The following LUZP2 variants were observed in gnomAD, a reference collection of about 807,000 sequenced individuals.
LUZP2 encodes the protein leucine zipper protein 2.
In LUZP2, 52 loss-of-function variants were observed where a neutral mutation model predicts 51.6. The observed-to-expected ratio is 1.01, with a 90% CI of 0.81 to 1.27. The LOEUF is 1.27. Among genes scored for constraint, LUZP2 ranks in the 50% most tolerant of loss-of-function variants. The pLI is 0.00. For missense variants in LUZP2, 436 were observed against 395.4 expected, an observed-to-expected ratio of 1.10 and a Z score of -0.87; for synonymous variants, 154 against 137.3, an observed-to-expected ratio of 1.12 and a Z score of -0.85.
chr11:24,632,834 G>T (rs973764391), intron 1 of LUZP2, among the ~76,000 whole-genome samples: 1 of 152,000 alleles, frequency 6.6e-6, no homozygotes, highest in Non-Finnish European at 1.5e-5. Flanking sequence ...TCAGATATAT[G>T]CATCTTGCAG....
intron 1 of LUZP2, among the ~76,000 whole-genome samples, chr11:24,514,353 G>A (rs1463435561): frequency 6.6e-6 from 1 of 152,168 alleles, no homozygotes; most frequent in East Asian, 1.9e-4. Flanking sequence ...GCATAAGAAT[G>A]GTTTCAGAAT....
chr11:24,834,087 A>AT (rs891815203), intron 5 of LUZP2, among the ~76,000 whole-genome samples: 9 of 150,902 alleles, frequency 6.0e-5, no homozygotes, highest in African/African-American at 9.7e-5. Context: ...CCTATATGGT[A>AT]TTTTTTTTTC....
At chr11:25,020,862 A>G (rs1857313439) in intron 9 of LUZP2, among the ~76,000 whole-genome samples, 1 of 152,106 alleles carries the variant, frequency 6.6e-6, no homozygotes, top group South Asian at 2.1e-4. Context: ...ATGATAATGT[A>G]TATCCAAGAG....
intron 7 of LUZP2, among the ~76,000 whole-genome samples, chr11:24,962,618 G>A (rs549517222): frequency 6.6e-6 from 1 of 152,158 alleles, no homozygotes; most frequent in African/African-American, 2.4e-5. Context: ...AGCTCCATCA[G>A]CTCCTTTAGG....
intron 5 of LUZP2, among the ~76,000 whole-genome samples, chr11:24,777,414 TAGAA>T (rs1848967740): frequency 6.6e-6 from 1 of 152,006 alleles, no homozygotes; most frequent in Non-Finnish European, 1.5e-5. Flanking sequence ...GTTGGAAAAA[TAGAA>T]AGAATGCTGC....
intron 5 of LUZP2, among the ~76,000 whole-genome samples, chr11:24,886,984 G>T (rs917108249): frequency 2.0e-5 from 3 of 152,110 alleles, no homozygotes; most frequent in Non-Finnish European, 2.9e-5. Context: ...CTTTTACCTG[G>T]TGAATGTCCT....
At chr11:24,841,624 C>T (rs1462989243) in intron 5 of LUZP2, among the ~76,000 whole-genome samples, 1 of 151,948 alleles carries the variant, frequency 6.6e-6, no homozygotes, top group Non-Finnish European at 1.5e-5. Flanking sequence ...CTTCCAATTT[C>T]TCAAGAAAGA....
intron 4 of LUZP2, among the ~76,000 whole-genome samples, chr11:24,751,055 A>G (rs1748188022): frequency 6.6e-6 from 1 of 152,188 alleles, no homozygotes; most frequent in Non-Finnish European, 1.5e-5. Context: ...ACTAGAAAAT[A>G]TGGAATAAAC....
intron 1 of LUZP2, among the ~76,000 whole-genome samples, chr11:24,564,880 A>C (rs1852165515): frequency 1.3e-5 from 2 of 152,146 alleles, no homozygotes. Flanking sequence ...ACGAGTTTGA[A>C]AAAGTATATG....
chr11:24,972,590 T>G (rs7481590), intron 7 of LUZP2, among the ~76,000 whole-genome samples: 56,586 of 151,952 alleles, frequency 0.37, 12,727 homozygotes, highest in East Asian at 0.72. Flanking sequence ...GTCCTTCTAT[T>G]TTTGAGTATG....
intron 6 of LUZP2, among the ~76,000 whole-genome samples, chr11:24,913,361 T>C (rs377764457): frequency 3.3e-5 from 5 of 152,296 alleles, no homozygotes; most frequent in South Asian, 4.1e-4. Context: ...TCCTTTTTCA[T>C]TGCTCAGCAG....
At chr11:24,499,428 A>G (rs1849921647) in intron 1 of LUZP2, among the ~76,000 whole-genome samples, 2 of 152,192 alleles carry the variant, frequency 1.3e-5, no homozygotes, top group Non-Finnish European at 2.9e-5. Flanking sequence ...TTATAGGCAC[A>G]TGGTTATTGT....
At position 24,517,757 on chromosome 11, in the gene LUZP2, A is replaced by G. The variant is rs112110424; in HGVS notation, c.62+20452A>G. Among the ~76,000 whole-genome samples the G allele has an allele frequency of 2.0e-3, 307 of 152,212 alleles. 2 individuals carry two copies. The highest frequency in any genetic ancestry group is 6.8e-3 in the Middle Eastern group (2 of 294). On this transcript the variant is annotated intron_variant, in intron 1 of 11. Transcript: ENST00000336930. ...TTAAATGAGAGTTTAATCTTGACTT[A>G]TTGAAAAATGGCATCATTTTGCTTC...
At chr11:25,060,549 A>G (rs1298965102) in intron 10 of LUZP2, among the ~76,000 whole-genome samples, 1 of 152,192 alleles carries the variant, frequency 6.6e-6, no homozygotes, top group African/African-American at 2.4e-5. Context: ...CTTTATTCAC[A>G]TTGCTGTGAT....
At chr11:24,707,012 GA>G (rs1565089498) in intron 1 of LUZP2, among the ~76,000 whole-genome samples, 18 of 28,498 alleles carry the variant, frequency 6.3e-4, no homozygotes, top group African/African-American at 1.9e-3. Context: ...AAAAAAAAAA[GA>G]AAAGAAAGGA....
At chr11:24,793,088 A>G (rs1418657575) in intron 5 of LUZP2, among the ~76,000 whole-genome samples, 1 of 152,144 alleles carries the variant, frequency 6.6e-6, no homozygotes. Context: ...TCTTCATAGT[A>G]CTTTATTTAG....
At chr11:24,570,458 C>T (rs1344793491) in intron 1 of LUZP2, among the ~76,000 whole-genome samples, 1 of 151,956 alleles carries the variant, frequency 6.6e-6, no homozygotes, top group Non-Finnish European at 1.5e-5. Flanking sequence ...ACAAAAGTAG[C>T]AAAATAGCCT....
At chr11:24,617,402 A>G (rs2133898671) in intron 1 of LUZP2, among the ~76,000 whole-genome samples, 1 of 152,186 alleles carries the variant, frequency 6.6e-6, no homozygotes, top group African/African-American at 2.4e-5. Flanking sequence ...CATTTTAGTG[A>G]TGACTTCTTT....
At chr11:25,027,996 C>T (rs1025829279) in intron 9 of LUZP2, among the ~76,000 whole-genome samples, 35 of 151,910 alleles carry the variant, frequency 2.3e-4, no homozygotes, top group African/African-American at 8.0e-4. Context: ...ATATACTTTC[C>T]GTCTATTGGA....
Sources: allele counts gnomAD v4.1 joint callset (sites outside exome capture counted in the v4.1 genomes callset), GRCh38; gene constraint gnomAD v4.1.1; transcripts MANE v1.5; gene names NCBI Gene and HGNC (gene_info 2026-07-23, HGNC 2026-07-21).